The following CSTL1 variants were observed in gnomAD, a reference collection of about 807,000 sequenced individuals.
The protein encoded by CSTL1 is cystatin-like 1.
In CSTL1, 14 loss-of-function variants were observed where a neutral mutation model predicts 14.4. That is an observed-to-expected ratio of 0.97 (90% CI 0.64 to 1.52). The LOEUF is 1.52. CSTL1 is among the 40% of genes most tolerant of loss of function. CSTL1 has a pLI of 0.00. For missense variants in CSTL1, 170 were observed against 168.7 expected, an observed-to-expected ratio of 1.01 and a Z score of -0.04; for synonymous variants, 72 against 67.5, an observed-to-expected ratio of 1.07 and a Z score of -0.33.
Position 23,444,027 on chromosome 20 carries a change from A to C in CSTL1, c.313A>C (p.Ser105Arg), listed in dbSNP as rs1184520845. Residue 105 changes from serine to arginine, a missense_variant, in exon 3 of 4, where the codon AGC (serine) becomes CGC (arginine). By Grantham distance (110) the Ser-to-Arg change is moderately radical (BLOSUM62 -1). Transcript: ENST00000347397. ...DTSNSSCPLQ[S>R]KKLRKSLICE... ...GAGCAATTCTTCCTGCCCCCTGCAAAGCAAGAAGCTGAGAAAGGTGTGTAG... is the reference window on the plus strand; with the variant it reads ...GAGCAATTCTTCCTGCCCCCTGCAACGCAAGAAGCTGAGAAAGGTGTGTAG... 1 of 1,613,990 alleles carries C rather than the reference A, an allele frequency of 6.2e-7. No individual in the cohort carries two copies. The highest frequency in any genetic ancestry group is 8.5e-7 in the Non-Finnish European group (1 of 1,179,808).
chr20:23,450,494 A>C, the CSTL1 span: 1 of 1,582,960 alleles, frequency 6.3e-7, no homozygotes, highest in Non-Finnish European at 8.6e-7. Flanking sequence ...GCAGTTGTAC[A>C]CTCCAGGACA....
the CSTL1 span, chr20:23,450,254 A>G: frequency 1.4e-5 from 5 of 365,648 alleles, no homozygotes; most frequent in African/African-American, 8.3e-5. Flanking sequence ...AAGTTCTGCT[A>G]CCATGAAGGC....
chr20:23,457,755 C>T, the CSTL1 span: 6 of 152,172 alleles, frequency 3.9e-5, no homozygotes, highest in African/African-American at 1.4e-4. Context: ...TCAATGCTCC[C>T]GTAGAGGTGA....
chr20:23,458,548 C>T, the CSTL1 span: 29 of 152,308 alleles, frequency 1.9e-4, no homozygotes, highest in African/African-American at 6.5e-4. Flanking sequence ...CTCATGAAAA[C>T]TGTTCTCCTG....
At chr20:23,441,539 G>A (rs1986831886) in intron 2 of CSTL1, among the ~76,000 whole-genome samples, 1 of 152,112 alleles carries the variant, frequency 6.6e-6, no homozygotes, top group Admixed American at 6.5e-5. Context: ...ATGTAAAATG[G>A]AATAGTGTTT....
the CSTL1 span, chr20:23,451,936 G>A: frequency 1.6e-5 from 26 of 1,590,676 alleles, no homozygotes; most frequent in East Asian, 1.6e-4. Flanking sequence ...GGCGCCAGGC[G>A]TGGGGGAGGC....
In CSTL1 at chr20:23,440,816, GC is replaced by G. The variant is rs1179151016; in HGVS notation, c.219+331del. On this transcript the variant is annotated intron_variant, in intron 2 of 3. Transcript: ENST00000347397. ...TTGTTGCCCACGCTGGAGTGCAATG[GC>G]ATGATCTTGGCTCACTGCAACCTCC... 3.2e-5 allele frequency: 12 copies of G among 373,454 alleles called. No homozygotes were observed. The East Asian group carries it at 7.8e-4, about 24-fold the overall frequency. The allele number at this position is 373,454 out of a possible 1,614,324, so 23.1% of individuals were successfully genotyped here. A position where few individuals can be genotyped will look rare whatever the true frequency, so the allele number is the denominator to read the frequency against.
At chr20:23,457,933 A>G in the CSTL1 span, among the ~76,000 whole-genome samples, 2 of 151,974 alleles carry the variant, frequency 1.3e-5, no homozygotes, top group African/African-American at 4.8e-5. Context: ...GGGGTACCCT[A>G]TTTTGTCTCT....
rs763490626 is a variant in CSTL1 at position 23,443,938 on chromosome 20, C to T, written c.224C>T (p.Thr75Met). Residue 75 changes from threonine (T) to methionine (M), a missense_variant, in exon 3 of 4, where the codon ACG (threonine) becomes ATG (methionine). Coordinates refer to ENST00000347397, the MANE Select transcript of CSTL1 (RefSeq NM_138283.1). Reference protein sequence around the residue: ...QRLIRSQMQLTTGVEYIVTVK... With the variant: ...QRLIRSQMQLMTGVEYIVTVK... Reference sequence around the variant, plus strand: ...AGCACAACTGATTCTCGGCAGCTGACGACGGGAGTGGAGTATATAGTCACT... The same window carrying T: ...AGCACAACTGATTCTCGGCAGCTGATGACGGGAGTGGAGTATATAGTCACT... 28 of 1,612,678 alleles carry T rather than the reference C, an allele frequency of 1.7e-5. No individual in the cohort carries two copies. The highest frequency in any genetic ancestry group is 3.3e-4 in the Middle Eastern group (2 of 6,084).
At chr20:23,442,033 C>A (rs1986846648) in intron 2 of CSTL1, among the ~76,000 whole-genome samples, 1 of 152,254 alleles carries the variant, frequency 6.6e-6, no homozygotes, top group Admixed American at 6.5e-5. Context: ...CCATTTGGTT[C>A]TTGGTTCTTC....
chr20:23,458,216 C>T, the CSTL1 span, among the ~76,000 whole-genome samples: 2 of 152,206 alleles, frequency 1.3e-5, no homozygotes, highest in African/African-American at 2.4e-5. Context: ...AAGACTTCCT[C>T]TCAACCTGGT....
At chr20:23,444,482 T>A (rs1986921629) in intron 3 of CSTL1, among the ~76,000 whole-genome samples, 2 of 152,296 alleles carry the variant, frequency 1.3e-5, no homozygotes, top group South Asian at 4.1e-4. Flanking sequence ...GAGGTAACGA[T>A]GCTATTGCTC....
chr20:23,450,420 C>T, the CSTL1 span: 3 of 823,252 alleles, frequency 3.6e-6, no homozygotes, highest in African/African-American at 3.4e-5. Flanking sequence ...AATATGTTGA[C>T]AAACATTTAT....
chr20:23,443,926 C>G lies in CSTL1; in HGVS notation c.220-8C>G. On this transcript the variant is annotated splice_region_variant and splice_polypyrimidine_tract_variant and intron_variant, in intron 2 of 3. Transcript: ENST00000347397. ...GTCCACACTAACAGCACAACTGATT[C>G]TCGGCAGCTGACGACGGGAGTGGAG... 2 of 1,608,052 alleles carry G rather than the reference C, an allele frequency of 1.2e-6. No individual in the cohort carries two copies. Among genetic ancestry groups the G allele is most frequent in the Non-Finnish European group, 1.7e-6 (2 of 1,174,682 alleles).
At chr20:23,441,702 T>C (rs200666127) in intron 2 of CSTL1, among the ~76,000 whole-genome samples, 3 of 152,166 alleles carry the variant, frequency 2.0e-5, no homozygotes, top group East Asian at 3.8e-4. Flanking sequence ...CAGGCAACCA[T>C]ACATTTTTTT....
At chr20:23,458,815 C>T in the CSTL1 span, 8 of 152,228 alleles carry the variant, frequency 5.3e-5, no homozygotes, top group East Asian at 3.9e-4. Flanking sequence ...ATTGCTGGGC[C>T]TCAGAGGAGA....
chr20:23,455,257 T>A, the CSTL1 span, among the ~76,000 whole-genome samples: 1 of 152,220 alleles, frequency 6.6e-6, no homozygotes, highest in Non-Finnish European at 1.5e-5. Context: ...TTTCAACTCT[T>A]GTGTGCTTAA....
the CSTL1 span, chr20:23,452,677 C>T: frequency 2.5e-6 from 4 of 1,614,080 alleles, no homozygotes; most frequent in Non-Finnish European, 3.4e-6. Flanking sequence ...GCAAGCTGTC[C>T]TTCGCATAGT....
chr20:23,458,332 C>T, the CSTL1 span, among the ~76,000 whole-genome samples: 5 of 152,196 alleles, frequency 3.3e-5, no homozygotes, highest in Non-Finnish European at 7.3e-5. Context: ...AAACTGTCAT[C>T]TCACATAGAT....
Sources: gnomAD v4.1 joint callset for allele counts (sites outside exome capture counted in the v4.1 genomes callset) on GRCh38, gnomAD v4.1.1 for gene constraint, MANE v1.5 for transcripts, NCBI Gene and HGNC (gene_info 2026-07-23, HGNC 2026-07-21) for gene names.